GNRH1: variants seen among roughly 807,000 people sequenced by gnomAD.
The protein encoded by GNRH1 is progonadoliberin-1.
GNRH1 carries 9 observed loss-of-function variants against 13.6 expected under a neutral mutation model. That is an observed-to-expected ratio of 0.66 (90% CI 0.40 to 1.15). The LOEUF (loss-of-function observed/expected upper bound fraction) is 1.15. GNRH1 is among the 50% of genes most tolerant of loss of function. The probability of loss-of-function intolerance (pLI) is 0.01; values close to 1 mark genes in which losing one functional copy is unlikely to be tolerated. For missense variants in GNRH1, 116 were observed against 110.8 expected, an observed-to-expected ratio of 1.05 and a Z score of -0.21; for synonymous variants, 44 against 40.1, an observed-to-expected ratio of 1.10 and a Z score of -0.37.
chr8:25,421,028 C>G (rs1276702593), intron 3 of GNRH1, among the ~76,000 whole-genome samples: 1 of 152,046 alleles, frequency 6.6e-6, no homozygotes, highest in African/African-American at 2.4e-5. Context: ...TATCAGGAAA[C>G]TGGAAATCAA....
At chr8:25,422,383 TAA>T (rs1801784498) in intron 2 of GNRH1, among the ~76,000 whole-genome samples, 1 of 152,026 alleles carries the variant, frequency 6.6e-6, no homozygotes, top group Non-Finnish European at 1.5e-5. Context: ...CCCATCTCTA[TAA>T]AAAGTTTTAA....
At position 25,423,195 on chromosome 8, in the gene GNRH1, G is replaced by C; in HGVS notation, c.136C>G (p.Gln46Glu). 2 of 1,609,020 alleles carry C rather than the reference G, an allele frequency of 1.2e-6. No individual in the cohort carries two copies. Among genetic ancestry groups the C allele is most frequent in the Non-Finnish European group, 1.7e-6 (2 of 1,175,446 alleles). The change falls in exon 2 of 4, where the codon CAA becomes GAA. Residue 46 changes from glutamine to glutamate, a missense_variant. Coordinates refer to ENST00000421054, the MANE Select transcript of GNRH1 (RefSeq NM_001083111.2). ...RDAENLIDSF[Q>E]EIVKEVGQLA... Reference sequence around the variant, plus strand: ...TGAAGCTGAGAGAAACTTACCTCTTGGAAAGAATCAATCAAATTTTCGGCA... The same window carrying C: ...TGAAGCTGAGAGAAACTTACCTCTTCGAAAGAATCAATCAAATTTTCGGCA...
chr8:25,424,309 A>G (rs1302518054), upstream of GNRH1: 2 of 150,372 alleles, frequency 1.3e-5, no homozygotes, highest in Non-Finnish European at 3.0e-5. Context: ...TTTTTCCAGG[A>G]CATTGAAATC....
At chr8:25,419,578 C>A in intron 3 of GNRH1, 118 bp from the exon 4 acceptor site, 1 of 719,224 alleles carries the variant, frequency 1.4e-6, no homozygotes, top group Admixed American at 1.9e-5. Context: ...TGATTTTGTG[C>A]TCTAGTTAGT....
chr8:25,421,478 C>T, intron 3 of GNRH1, 95 bp downstream of exon 3: 1 of 678,008 alleles, frequency 1.5e-6, no homozygotes, highest in Non-Finnish European at 2.7e-6. Context: ...GTAAGCCCCA[C>T]AGTATCTGGG....
chr8:25,423,363 T>C, intron 1 of GNRH1, 32 bp from the exon 2 acceptor site: 1 of 1,602,618 alleles, frequency 6.2e-7, no homozygotes, highest in Non-Finnish European at 8.5e-7. Flanking sequence ...TCAAATTAGA[T>C]CCAGACAAGG....
intron 2 of GNRH1, 113 bp from the exon 3 acceptor site, chr8:25,421,781 G>GA: frequency 1.9e-5 from 10 of 513,212 alleles, no homozygotes; most frequent in Middle Eastern, 5.5e-4. Flanking sequence ...GGGGCTGGGG[G>GA]AGATTGGGAA....
intron 2 of GNRH1, 80 bp downstream of exon 2, chr8:25,423,110 A>G (rs1313221108): frequency 2.9e-6 from 3 of 1,042,126 alleles, no homozygotes; most frequent in South Asian, 1.3e-5. Context: ...GAATATTGAC[A>G]TTGGGGCTAT....
rs35542850 is a variant in GNRH1 at position 25,423,190 on chromosome 8, C to G, written c.141G>C (p.Glu47Asp). The G allele has an allele frequency of 2.0e-3, 3,157 of 1,606,844 alleles. 11 individuals are homozygous for G. The highest frequency in any genetic ancestry group is 0.01 in the Middle Eastern group (63 of 6,042). ...DAENLIDSFQEIVKEVGQLAE... is the reference protein window; with the variant it reads ...DAENLIDSFQDIVKEVGQLAE... ...TATTTTGAAGCTGAGAGAAACTTAC[C>G]TCTTGGAAAGAATCAATCAAATTTT... Residue 47 changes from glutamate (E) to aspartate (D), a missense_variant and splice_region_variant, in exon 2 of 4, where the codon GAG becomes GAC. Transcript: ENST00000421054.
At position 25,423,286 on chromosome 8, in the gene GNRH1, A is replaced by T; in HGVS notation, c.45T>A (p.Thr15=). Residue 15 remains threonine (T), a synonymous_variant, in exon 2 of 4, where the codon ACT becomes ACA. Transcript: ENST00000421054. ...QKLLAGLILL[T]WCVEGCSSQH... is the part of the protein sequence containing the mutation. ...GGCTGGAGCAGCCTTCCACGCACCAAGTCAGTAGAATAAGGCCAGCTAGGA... is the reference window on the plus strand; with the variant it reads ...GGCTGGAGCAGCCTTCCACGCACCATGTCAGTAGAATAAGGCCAGCTAGGA... 6.2e-7 allele frequency: 1 copy of T among 1,611,812 alleles called. No homozygotes were observed.
chr8:25,419,630 T>G (rs1014276188), intron 3 of GNRH1, among the ~76,000 whole-genome samples, 170 bp from the exon 4 acceptor site: 1 of 152,004 alleles, frequency 6.6e-6, no homozygotes, highest in Non-Finnish European at 1.5e-5. Flanking sequence ...TTCTGGTTTT[T>G]TTTTTTTTTG....
chr8:25,421,758 TCA>T, intron 2 of GNRH1, 90 bp from the exon 3 acceptor site: 4 of 428,950 alleles, frequency 9.3e-6, no homozygotes, highest in East Asian at 5.6e-5. Flanking sequence ...GAGAGTGGGG[TCA>T]AGGGGGATGT....
At position 25,423,206 on chromosome 8, in the gene GNRH1, A is replaced by G. The variant is rs1364785881; in HGVS notation, c.125T>C (p.Ile42Thr). The G allele has an allele frequency of 2.5e-6, 4 of 1,612,120 alleles. No homozygotes were observed. The highest frequency in any genetic ancestry group is 2.2e-5 in the East Asian group (1 of 44,876). The change falls in exon 2 of 4, where the codon ATT becomes ACT. Residue 42 changes from isoleucine to threonine, a missense_variant. Ile to Thr is a moderately conservative substitution (Grantham distance 89, BLOSUM62 -1). Coordinates refer to ENST00000421054, the MANE Select transcript of GNRH1 (RefSeq NM_001083111.2). Reference sequence around the variant, plus strand: ...GAAACTTACCTCTTGGAAAGAATCAATCAAATTTTCGGCATCTCTCTTTCC... The same window carrying G: ...GAAACTTACCTCTTGGAAAGAATCAGTCAAATTTTCGGCATCTCTCTTTCC... The part of the protein sequence containing the change: ...PGGKRDAENL[I>T]DSFQEIVKEV...
chr8:25,423,091 A>C, intron 2 of GNRH1, 99 bp downstream of exon 2: 1 of 932,682 alleles, frequency 1.1e-6, no homozygotes, highest in Non-Finnish European at 1.8e-6. Context: ...TCTAGGGTAC[A>C]ACATCATAGA....
intron 3 of GNRH1, among the ~76,000 whole-genome samples, chr8:25,421,170 A>G (rs1801767658): frequency 6.6e-6 from 1 of 152,180 alleles, no homozygotes; most frequent in African/African-American, 2.4e-5. Flanking sequence ...ATGTAAGATA[A>G]AGCACAGTTG....
Position 25,419,426 on chromosome 8 carries a change from T to C in GNRH1, c.272A>G (p.Lys91Arg). ...CCTTCTGGCCCAATGGATTTAAATCTTCTTCTGCCCAGTTTCCTCTTCAAT... is the reference window on the plus strand; with the variant it reads ...CCTTCTGGCCCAATGGATTTAAATCCTCTTCTGCCCAGTTTCCTCTTCAAT... Reference protein sequence around the residue: ...SLIEEETGQKKI With the variant: ...SLIEEETGQKRI The change falls in exon 4 of 4, where the codon AAG (lysine) becomes AGG (arginine). Residue 91 changes from lysine (K) to arginine (R), a missense_variant. By Grantham distance (26) the Lys-to-Arg change is conservative. Coordinates refer to ENST00000421054, the MANE Select transcript of GNRH1 (RefSeq NM_001083111.2). The C allele has an allele frequency of 6.7e-7, 1 of 1,486,038 alleles. No individual in the cohort carries two copies. Among genetic ancestry groups the C allele is most frequent in the Non-Finnish European group, 9.4e-7 (1 of 1,063,538 alleles). The allele number at this position is 1,486,038 out of a possible 1,614,324, so 92.1% of individuals were successfully genotyped here.
intron 3 of GNRH1, among the ~76,000 whole-genome samples, chr8:25,420,371 G>A (rs769386240): frequency 1.3e-5 from 2 of 150,492 alleles, no homozygotes; most frequent in African/African-American, 4.9e-5. Context: ...CCGAGATTGC[G>A]CCACTGCACT....
chr8:25,422,830 GA>G (rs964407617), intron 2 of GNRH1, among the ~76,000 whole-genome samples: 106 of 149,230 alleles, frequency 7.1e-4, no homozygotes, highest in African/African-American at 2.3e-3. Flanking sequence ...ATGAAATGAG[GA>G]AAAAAAAAAC....
Position 25,421,663 on chromosome 8 carries a change from G to T in GNRH1, c.147C>A (p.Val49=). 6.5e-7 allele frequency: 1 copy of T among 1,530,174 alleles called. No homozygotes were observed. Among genetic ancestry groups the T allele is most frequent in the Non-Finnish European group, 9.0e-7 (1 of 1,107,418 alleles). The allele number at this position is 1,530,174 out of a possible 1,614,324, so 94.8% of individuals were successfully genotyped here. ...ENLIDSFQEI[V]KEVGQLAETQ... ...TTTCTGCCAGTTGACCAACCTCTTT[G>T]ACTATCTGAAGAAAGAGAATGTGAT... The change falls in exon 3 of 4, where the codon GTC becomes GTA. Residue 49 remains valine, a synonymous_variant. Coordinates refer to ENST00000421054, the MANE Select transcript of GNRH1 (RefSeq NM_001083111.2).
Sources: allele counts gnomAD v4.1 joint callset (sites outside exome capture counted in the v4.1 genomes callset), GRCh38; gene constraint gnomAD v4.1.1; transcripts MANE v1.5; gene names NCBI Gene and HGNC (gene_info 2026-07-23, HGNC 2026-07-21).